The following TLE2 variants were observed in gnomAD, a reference collection of about 807,000 sequenced individuals.
The protein encoded by TLE2 is TLE family member 2, transcriptional corepressor, also known as transducin-like enhancer protein 2.
A neutral mutation model predicts 97.2 loss-of-function variants in TLE2; 74 were observed. The ratio of observed to expected loss-of-function variants is 0.76; its 90% CI spans 0.63 to 0.92. The LOEUF (loss-of-function observed/expected upper bound fraction) is 0.92. Among genes scored for constraint, TLE2 ranks in the 40% least tolerant of loss-of-function variants. The pLI is 0.00. For synonymous variants in TLE2, 499 were observed against 432.1 expected (o/e 1.15, Z -1.92); for missense variants, 1,038 against 1,008.7 (o/e 1.03, Z -0.39).
chr19:3,009,900 G>T (rs71339156), intron 12 of TLE2, among the ~76,000 whole-genome samples, 198 bp from the exon 13 acceptor site: 30,529 of 146,942 alleles, frequency 0.21, 3,313 homozygotes, highest in Admixed American at 0.25. Flanking sequence ...TTTTTCTTTT[G>T]TTTGAGATGG....
chr19:3,017,444 C>CTTT (rs2089734716), intron 8 of TLE2, among the ~76,000 whole-genome samples: 1 of 117,706 alleles, frequency 8.5e-6, no homozygotes. Context: ...TTTTTTTTTT[C>CTTT]TTTCTTTCTT....
chr19:3,023,681 C>T (rs2145195661), intron 5 of TLE2, among the ~76,000 whole-genome samples: 1 of 152,070 alleles, frequency 6.6e-6, no homozygotes, highest in South Asian at 2.1e-4. Flanking sequence ...TTGCTTGAGT[C>T]CGGGGGTTCG....
chr19:3,034,450 C>G (rs1293988182), intron 1 of TLE2, among the ~76,000 whole-genome samples: 1 of 151,818 alleles, frequency 6.6e-6, no homozygotes, highest in Non-Finnish European at 1.5e-5. Context: ...TCCACCAGAT[C>G]ACACCACACC....
upstream of TLE2, among the ~76,000 whole-genome samples, chr19:3,031,131 G>A (rs1288393242): frequency 6.6e-6 from 1 of 152,092 alleles, no homozygotes; most frequent in Non-Finnish European, 1.5e-5. Flanking sequence ...GGCTAGGCAG[G>A]TTCACAGCTT....
intron 4 of TLE2, among the ~76,000 whole-genome samples, chr19:3,027,089 ACTGAGGTCAATCTCAGAACC>A (rs1218950516): frequency 1.9e-4 from 27 of 142,784 alleles, no homozygotes; most frequent in African/African-American, 6.9e-4. Context: ...ATCTCAGAAC[ACTGAGGTCAATCTCAGAACC>A]CTGAGGTCTA....
chr19:2,999,286 AAAC>A (rs2089297362), intron 19 of TLE2, among the ~76,000 whole-genome samples: 1 of 151,960 alleles, frequency 6.6e-6, no homozygotes, highest in African/African-American at 2.4e-5. Context: ...CGTGTCAAAA[AAAC>A]AAAAAAACAC....
chr19:3,027,224 G>C (rs1411497708), intron 4 of TLE2, among the ~76,000 whole-genome samples: 3 of 152,250 alleles, frequency 2.0e-5, no homozygotes, highest in Admixed American at 6.5e-5. Flanking sequence ...AAGAGGCTCA[G>C]AGCCTTACGA....
At position 3,027,857 on chromosome 19, in the gene TLE2, TACG is replaced by T. The variant is rs759421896; in HGVS notation, c.200_202del (p.Ser67del). On this transcript the variant is annotated inframe_deletion, in exon 4 of 20. Coordinates refer to ENST00000262953, the MANE Select transcript of TLE2 (RefSeq NM_003260.5). ...CTTATGCATTTCAATGTTGAGCCCG[TACG>T]ACATCTCATAATACTGCAAAGGAAA... 6.2e-7 allele frequency: 1 copy of T among 1,611,538 alleles called. No homozygotes were observed. The highest frequency in any genetic ancestry group is 1.3e-5 in the African/African-American group (1 of 75,000).
Position 3,006,379 on chromosome 19 carries a change from C to T in TLE2, c.1500+41G>A, listed in dbSNP as rs774194002. The T allele has an allele frequency of 1.6e-5, 25 of 1,594,494 alleles. No homozygotes were observed. The Admixed American group carries it at 3.9e-4, about 25-fold the overall frequency. On this transcript the variant is annotated intron_variant, in intron 15 of 19. Transcript: ENST00000262953. ...CCCCATTGGAACATAAGCCCCACCCCTCACCTGTGAGTCCCGCCCACTGTC... is the reference window on the plus strand; with the variant it reads ...CCCCATTGGAACATAAGCCCCACCCTTCACCTGTGAGTCCCGCCCACTGTC...
intron 11 of TLE2, among the ~76,000 whole-genome samples, chr19:3,013,236 G>A (rs2089633147): frequency 6.6e-6 from 1 of 151,996 alleles, no homozygotes; most frequent in Non-Finnish European, 1.5e-5. Context: ...CTGAAAACTT[G>A]TTCCTATATT....
chr19:3,030,083 G>A (rs1047821539), upstream of TLE2, among the ~76,000 whole-genome samples: 2 of 152,256 alleles, frequency 1.3e-5, no homozygotes, highest in Middle Eastern at 3.4e-3. Flanking sequence ...GATTACGGGC[G>A]GGAGCCACCG....
chr19:2,998,811 G>A (rs931020567), intron 19 of TLE2, among the ~76,000 whole-genome samples: 2 of 152,192 alleles, frequency 1.3e-5, no homozygotes, highest in Non-Finnish European at 2.9e-5. Flanking sequence ...GAACTGAAGT[G>A]CTGCCCTTTC....
chr19:3,017,295 G>A (rs535575841), intron 8 of TLE2, among the ~76,000 whole-genome samples: 4 of 150,924 alleles, frequency 2.7e-5, no homozygotes, highest in East Asian at 2.0e-4. Context: ...CCGCCGCCAC[G>A]TTTGGCTAAT....
rs369285466 is a variant in TLE2 at position 3,006,645 on chromosome 19, C to T, written c.1275G>A (p.Ala425=). 948 of 1,607,446 alleles carry T rather than the reference C, an allele frequency of 5.9e-4. 2 individuals carry two copies. Among genetic ancestry groups the T allele is most frequent in the Non-Finnish European group, 7.0e-4 (822 of 1,176,474 alleles). The change falls in exon 15 of 20, where the codon GCG becomes GCA. Residue 425 remains alanine, a synonymous_variant. Transcript: ENST00000262953. ...AGGGAACCGGCTGCATCTGCCCGTC[C>T]GCAGACACGTGGAAGGAGTAGGCCC... ...GKPAYSFHVS[A]DGQMQPVPFP... is the part of the protein sequence containing the mutation.
chr19:3,040,991 TTATATA>T (rs1168113732), intron 1 of TLE2, among the ~76,000 whole-genome samples: 463 of 29,748 alleles, frequency 0.016, 28 homozygotes, highest in African/African-American at 0.068. Context: ...CTGCTGCCAT[TTATATA>T]TATATATATA....
At chr19:3,036,088 A>T (rs2090060583) in intron 1 of TLE2, among the ~76,000 whole-genome samples, 1 of 152,144 alleles carries the variant, frequency 6.6e-6, no homozygotes. Context: ...CGCCCGGCGA[A>T]GAGCTGAAGC....
chr19:3,015,720 T>C lies in TLE2; in HGVS notation c.611A>G (p.Glu204Gly), dbSNP rs770003592. The change falls in exon 9 of 20, where the codon GAG (glutamate) becomes GGG (glycine). Residue 204 changes from glutamate (E) to glycine (G), a missense_variant. Transcript: ENST00000262953. ...PSPPESLVEE[E>G]RPSGPGGGGK... is the part of the protein sequence containing the mutation. ...GCCACCACCAGGGCCACTCGGTCGCTCCTCCTCCACGAGACTCTCAGGGGG... is the reference window on the plus strand; with the variant it reads ...GCCACCACCAGGGCCACTCGGTCGCCCCTCCTCCACGAGACTCTCAGGGGG... 6.2e-6 allele frequency: 10 copies of C among 1,611,104 alleles called. No homozygotes were observed. Among genetic ancestry groups the C allele is most frequent in the Non-Finnish European group, 5.9e-6 (7 of 1,179,250 alleles).
At chr19:3,017,965 C>T (rs80318528) in intron 7 of TLE2, 106 bp from the exon 8 acceptor site, 65,734 of 986,238 alleles carry the variant, frequency 0.067, 2,650 homozygotes, top group Non-Finnish European at 0.08. Context: ...CCCCCCGCCC[C>T]CACCACCCCA....
In TLE2 at chr19:3,009,585, G is replaced by C. The variant is rs2089547659; in HGVS notation, c.1130C>G (p.Ser377Cys). ...VPSSYVSLHL[S>C]PQVSSSVVYG... The stretch of plus-strand genomic sequence containing the variant: ...CACCACAGAGCTGCTGACCTGGGGG[G>C]ACAGGTGGAGGCTGACGTAGGAGCT... Residue 377 changes from serine to cysteine, a missense_variant, in exon 13 of 20, where the codon TCC (serine) becomes TGC (cysteine). Transcript: ENST00000262953. The C allele has an allele frequency of 1.9e-6, 3 of 1,613,374 alleles. No homozygotes were observed. Among genetic ancestry groups the C allele is most frequent in the Admixed American group, 1.7e-5 (1 of 59,948 alleles).
Sources: allele counts gnomAD v4.1 joint callset (sites outside exome capture counted in the v4.1 genomes callset), GRCh38; gene constraint gnomAD v4.1.1; transcripts MANE v1.5; gene names NCBI Gene and HGNC (gene_info 2026-07-23, HGNC 2026-07-21).